HMCN1: variants seen among roughly 807,000 people sequenced by gnomAD.
The protein encoded by HMCN1 is hemicentin 1, also known as hemicentin-1.
HMCN1 carries 321 observed loss-of-function variants against 625.9 expected under a neutral mutation model. The observed-to-expected ratio is 0.51, with a 90% CI of 0.47 to 0.56. The LOEUF is 0.56. Ranked by LOEUF, HMCN1 falls within the 20% of genes least tolerant of loss-of-function variation. HMCN1 has a pLI of 0.00. For missense variants in HMCN1, 6,588 were observed against 6,887.3 expected (o/e 0.96, Z 1.54); for synonymous variants, 2,425 against 2,417.6 (o/e 1.00, Z -0.09).
At chr1:185,982,795 C>T (rs182823837) in intron 18 of HMCN1, among the ~76,000 whole-genome samples, 3 of 151,810 alleles carry the variant, frequency 2.0e-5, no homozygotes, top group African/African-American at 4.8e-5. Context: ...CCAAAAGTAT[C>T]GATTTAATAA....
intron 28 of HMCN1, among the ~76,000 whole-genome samples, chr1:186,003,099 T>C (rs1653306273): frequency 6.6e-6 from 1 of 152,098 alleles, no homozygotes; most frequent in African/African-American, 2.4e-5. Context: ...ACTCCTCCCC[T>C]ACTGAAATCC....
At chr1:185,879,624 CAAA>C (rs1429832260) in intron 4 of HMCN1, among the ~76,000 whole-genome samples, 1 of 152,086 alleles carries the variant, frequency 6.6e-6, no homozygotes, top group African/African-American at 2.4e-5. Context: ...CAATATTGAG[CAAA>C]AGTAGATTAG....
chr1:186,124,152 CAAAG>C (rs536198352), intron 81 of HMCN1, among the ~76,000 whole-genome samples: 98 of 152,072 alleles, frequency 6.4e-4, no homozygotes, highest in African/African-American at 2.2e-3. Flanking sequence ...ATATACTAAA[CAAAG>C]AAATTGTTAA....
chr1:186,057,330 C>T lies in HMCN1; in HGVS notation c.7241C>T (p.Pro2414Leu), dbSNP rs995394108. 3 of 1,609,484 alleles carry T rather than the reference C, an allele frequency of 1.9e-6. No homozygotes were observed. The African/African-American group carries it at 4.0e-5, about 22-fold the overall frequency. The part of the protein sequence containing the change: ...VSLTCEASGI[P>L]LPSITWFKDG... ...TTGACTTGTGAAGCTTCTGGAATTC[C>T]CCTGCCTTCCATAACCTGGTTCAAA... is the stretch of plus-strand genomic sequence containing the variant. The change falls in exon 46 of 107, where the codon CCC becomes CTC. Residue 2414 changes from proline (P) to leucine (L), a missense_variant. This residue lies in a region of HMCN1 where 4,628 missense variants were observed against 4,853.1 expected (regional missense o/e 0.95). Coordinates refer to ENST00000271588, the MANE Select transcript of HMCN1 (RefSeq NM_031935.3).
At chr1:185,949,265 T>G (rs55780908) in intron 11 of HMCN1, among the ~76,000 whole-genome samples, 2,662 of 150,378 alleles carry the variant, frequency 0.018, 91 homozygotes, top group African/African-American at 0.061. Context: ...ACGGTGAATA[T>G]GAGTATGACT....
chr1:186,108,645 G>T, intron 71 of HMCN1, 48 bp downstream of exon 71: 8 of 1,609,174 alleles, frequency 5.0e-6, no homozygotes, highest in Middle Eastern at 1.7e-4. Context: ...GATGAAAAAA[G>T]TAAAAAAATC....
chr1:186,152,519 G>A (rs1175152376), intron 95 of HMCN1, among the ~76,000 whole-genome samples: 1 of 152,156 alleles, frequency 6.6e-6, no homozygotes, highest in East Asian at 1.9e-4. Flanking sequence ...TGAAATTCGT[G>A]TAACCGTTTG....
intron 44 of HMCN1, 33 bp downstream of exon 44, chr1:186,054,019 T>C (rs753566907): frequency 6.2e-7 from 1 of 1,601,144 alleles, no homozygotes; most frequent in South Asian, 1.1e-5. Flanking sequence ...TTTGGCAAAA[T>C]GTTCTCTTAA....
Position 186,015,191 on chromosome 1 carries a change from A to G in HMCN1, c.4663A>G (p.Thr1555Ala), listed in dbSNP as rs1193346723. The G allele has an allele frequency of 1.9e-6, 3 of 1,613,504 alleles. No individual in the cohort carries two copies. In the East Asian group the frequency reaches 6.7e-5, roughly 36 times the overall value. ...TAGTATTAAAGGAGGAAATGTCACCACAGACATATCAGTATTGATCAACAG... is the reference window on the plus strand; with the variant it reads ...TAGTATTAAAGGAGGAAATGTCACCGCAGACATATCAGTATTGATCAACAG... ...PPSIKGGNVT[T>A]DISVLINSLI... Residue 1555 changes from threonine (T) to alanine (A), a missense_variant, in exon 31 of 107, where the codon ACA (threonine) becomes GCA (alanine). Coordinates refer to ENST00000271588, the MANE Select transcript of HMCN1 (RefSeq NM_031935.3).
chr1:186,070,822 A>C (rs1022984606), intron 52 of HMCN1, 65 bp downstream of exon 52: 18 of 1,461,838 alleles, frequency 1.2e-5, no homozygotes, highest in Non-Finnish European at 1.6e-5. Context: ...ATTGAAAAGA[A>C]ATAATAAAAT....
rs551316952 is a variant in HMCN1 at position 185,858,736 on chromosome 1, C to T, written c.340-5734C>T. ...AAACTGCTGAGATTACAGATATGAG[C>T]CACCATGCCTGGCCAGCAGTAATTT... On this transcript the variant is annotated intron_variant, in intron 2 of 106. Transcript: ENST00000271588. Among the ~76,000 whole-genome samples, 10 of 150,300 alleles carry T rather than the reference C, an allele frequency of 6.7e-5. 1 individual carries two copies. The South Asian group carries it at 2.1e-3, about 32-fold the overall frequency.
intron 1 of HMCN1, among the ~76,000 whole-genome samples, chr1:185,794,475 CAAAAAAGAA>C (rs1220080376): frequency 7.4e-6 from 1 of 134,468 alleles, no homozygotes; most frequent in Non-Finnish European, 1.6e-5. Context: ...ACTTGGAGTC[CAAAAAAGAA>C]AAAAAAGAAA....
intron 42 of HMCN1, among the ~76,000 whole-genome samples, chr1:186,051,975 A>G (rs964656114): frequency 2.0e-5 from 3 of 152,018 alleles, no homozygotes; most frequent in African/African-American, 7.2e-5. Context: ...CTGATGGAAA[A>G]TGGGATGGGT....
intron 4 of HMCN1, among the ~76,000 whole-genome samples, chr1:185,904,393 A>G (rs1291574442): frequency 6.6e-6 from 1 of 151,884 alleles, no homozygotes; most frequent in Non-Finnish European, 1.5e-5. Flanking sequence ...ATCAAATACC[A>G]TATAGATTTA....
intron 67 of HMCN1, among the ~76,000 whole-genome samples, chr1:186,094,644 C>A (rs536685290): frequency 6.6e-6 from 1 of 152,160 alleles, no homozygotes; most frequent in Admixed American, 6.6e-5. Context: ...GACACAAGAC[C>A]AGTCTTTTCA....
At chr1:185,785,614 C>T (rs1339443257) in intron 1 of HMCN1, among the ~76,000 whole-genome samples, 3 of 152,156 alleles carry the variant, frequency 2.0e-5, no homozygotes, top group Non-Finnish European at 2.9e-5. Flanking sequence ...ATATATTTCT[C>T]AAAGCAGACA....
In HMCN1 at chr1:186,083,050, T is replaced by C. The variant is rs1026102510; in HGVS notation, c.8884+89T>C. ...TAGATTATGTAGGCTTATTTTGTAT[T>C]TTTTAACTTAAACAATGTGAGGAGC... is the stretch of plus-strand genomic sequence containing the variant. On this transcript the variant is annotated intron_variant, in intron 57 of 106. Transcript: ENST00000271588. 2.3e-5 allele frequency: 15 copies of C among 657,712 alleles called. No individual in the cohort carries two copies. The African/African-American group carries it at 2.8e-4, about 12-fold the overall frequency. The allele number at this position is 657,712 out of a possible 1,614,324, so 40.7% of individuals were successfully genotyped here.
intron 97 of HMCN1, among the ~76,000 whole-genome samples, chr1:186,161,362 G>A (rs190697360): frequency 1.3e-3 from 190 of 150,130 alleles, no homozygotes; most frequent in African/African-American, 3.7e-3. Flanking sequence ...GATGGGTCTT[G>A]TCTCTTTATC....
At chr1:185,995,407 G>T (rs2102044975) in intron 24 of HMCN1, among the ~76,000 whole-genome samples, 1 of 152,246 alleles carries the variant, frequency 6.6e-6, no homozygotes. Flanking sequence ...GGAGTAGGTT[G>T]TCACCTCACA....
Sources: gnomAD v4.1 joint callset for allele counts (sites outside exome capture counted in the v4.1 genomes callset) on GRCh38, gnomAD v4.1.1 for gene constraint, gnomAD v4.1.1 regional missense constraint, MANE v1.5 for transcripts, NCBI Gene and HGNC (gene_info 2026-07-23, HGNC 2026-07-21) for gene names.